CSMD1: variants seen among roughly 807,000 people sequenced by gnomAD.
The protein encoded by CSMD1 is CUB and Sushi multiple domains 1.
CSMD1 carries 213 observed loss-of-function variants against 417.5 expected under a neutral mutation model. The ratio of observed to expected loss-of-function variants is 0.51; its 90% CI spans 0.46 to 0.57. The LOEUF (loss-of-function observed/expected upper bound fraction) is 0.57. Among genes scored for constraint, CSMD1 ranks in the 20% least tolerant of loss-of-function variants. CSMD1 has a pLI of 0.00. For synonymous variants in CSMD1, 2,862 were observed against 1,736.8 expected (o/e 1.65, Z -16.11); for missense variants, 6,923 against 4,529.7 (o/e 1.53, Z -15.17).
intron 5 of CSMD1, among the ~76,000 whole-genome samples, chr8:3,928,184 C>T (rs905624964): frequency 2.0e-5 from 3 of 152,020 alleles, no homozygotes; most frequent in Middle Eastern, 3.2e-3. Flanking sequence ...CAGAAAAGAA[C>T]ATGAGAATGA....
intron 23 of CSMD1, among the ~76,000 whole-genome samples, chr8:3,320,240 A>G (rs1333719230): frequency 6.6e-6 from 1 of 152,132 alleles, no homozygotes; most frequent in Non-Finnish European, 1.5e-5. Context: ...TTGGAGAGGG[A>G]CGGAGGATGA....
At chr8:4,836,518 A>G (rs2116748809) in intron 1 of CSMD1, among the ~76,000 whole-genome samples, 1 of 152,328 alleles carries the variant, frequency 6.6e-6, no homozygotes, top group South Asian at 2.1e-4. Context: ...GCATATGCTA[A>G]TTGTAATAAA....
At chr8:3,227,824 G>A (rs866228665) in intron 27 of CSMD1, among the ~76,000 whole-genome samples, 16 of 151,268 alleles carry the variant, frequency 1.1e-4, no homozygotes, top group South Asian at 2.1e-4. Context: ...CTGGAGTGCA[G>A]TGGTGCGATC....
Position 2,973,335 on chromosome 8 carries a change from G to C in CSMD1, c.8741-36C>G, listed in dbSNP as rs138424046. On this transcript the variant is annotated intron_variant, in intron 56 of 69. Coordinates refer to ENST00000635120, the MANE Select transcript of CSMD1 (RefSeq NM_033225.6). ...CAAACACATACGGCAATCCACAATT[G>C]TGTTAGACTTGTTTTAAGCAGAGTT... The C allele has an allele frequency of 4.2e-5, 67 of 1,592,954 alleles. No homozygotes were observed. In the African/African-American group the frequency reaches 8.1e-4, roughly 19 times the overall value.
chr8:4,623,902 C>T (rs768351153), intron 2 of CSMD1, among the ~76,000 whole-genome samples: 11 of 152,176 alleles, frequency 7.2e-5, no homozygotes, highest in Admixed American at 1.3e-4. Flanking sequence ...TAGAAATATT[C>T]GTTAGCTTGA....
rs1369030073 is a variant in CSMD1, at chr8:4,917,142, T to C, written c.85+77190A>G. On this transcript the variant is annotated intron_variant, in intron 1 of 69. Coordinates refer to ENST00000635120, the MANE Select transcript of CSMD1 (RefSeq NM_033225.6). Reference sequence around the variant, plus strand: ...GTCATGGTGGAAGGGAAAGGGAAAGTTGGCATGTCCTACTTGGCTGGAGCA... The same window carrying C: ...GTCATGGTGGAAGGGAAAGGGAAAGCTGGCATGTCCTACTTGGCTGGAGCA... Among the ~76,000 whole-genome samples, 180 of 152,098 alleles carry C rather than the reference T, an allele frequency of 1.2e-3. 2 individuals are homozygous for C. Among genetic ancestry groups the C allele is most frequent in the Non-Finnish European group, 1.6e-4 (11 of 68,010 alleles).
At chr8:3,926,110 C>G (rs369069544) in intron 5 of CSMD1, among the ~76,000 whole-genome samples, 2 of 79,272 alleles carry the variant, frequency 2.5e-5, no homozygotes, top group Admixed American at 1.4e-4. Context: ...CACACACACA[C>G]ACACACACAC....
At chr8:4,033,280 A>T (rs1025801923) in intron 3 of CSMD1, among the ~76,000 whole-genome samples, 9 of 151,962 alleles carry the variant, frequency 5.9e-5, no homozygotes, top group Non-Finnish European at 1.3e-4. Context: ...CTCTACTAAA[A>T]ATACAAAAAA....
At chr8:4,318,619 T>C (rs1313309526) in intron 3 of CSMD1, among the ~76,000 whole-genome samples, 2 of 150,920 alleles carry the variant, frequency 1.3e-5, no homozygotes, top group Non-Finnish European at 3.0e-5. Context: ...GAATTAGTAA[T>C]TAAAAGTGAC....
chr8:3,886,537 G>A (rs923893504), intron 5 of CSMD1, among the ~76,000 whole-genome samples: 1 of 152,204 alleles, frequency 6.6e-6, no homozygotes, highest in Non-Finnish European at 1.5e-5. Flanking sequence ...AGCAGGCCAT[G>A]GACAGCACTT....
chr8:3,006,474 A>G (rs1350660498), intron 52 of CSMD1, among the ~76,000 whole-genome samples: 2 of 152,094 alleles, frequency 1.3e-5, no homozygotes, highest in Non-Finnish European at 2.9e-5. Flanking sequence ...AGTCAATCCT[A>G]AGCCAAAAGA....
At chr8:3,810,762 G>T (rs1252387587) in intron 5 of CSMD1, among the ~76,000 whole-genome samples, 1 of 152,156 alleles carries the variant, frequency 6.6e-6, no homozygotes, top group Admixed American at 6.6e-5. Context: ...CTTTGGCAAT[G>T]ATCATGGTGT....
At chr8:4,816,076 G>C (rs1253621272) in intron 1 of CSMD1, among the ~76,000 whole-genome samples, 1 of 152,200 alleles carries the variant, frequency 6.6e-6, no homozygotes, top group Non-Finnish European at 1.5e-5. Context: ...ACTGGGTTTA[G>C]GGAGCAGAAC....
At position 4,000,122 on chromosome 8, in the gene CSMD1, C is replaced by G. The variant is rs536560590; in HGVS notation, c.611-2012G>C. On this transcript the variant is annotated intron_variant, in intron 4 of 69. Coordinates refer to ENST00000635120, the MANE Select transcript of CSMD1 (RefSeq NM_033225.6). ...CCTGCCCCCCGCCCTCCGTGGGCAC[C>G]ACTGTGCAAGCACACACACTTCCCT... Among the ~76,000 whole-genome samples the G allele has an allele frequency of 5.3e-5, 8 of 152,304 alleles. No homozygotes were observed. The South Asian group carries it at 1.5e-3, about 28-fold the overall frequency.
rs148289811 is a variant in CSMD1 at position 4,459,023 on chromosome 8, T to C, written c.303-38958A>G. Among the ~76,000 whole-genome samples the C allele has an allele frequency of 1.4e-3, 208 of 152,324 alleles. 2 individuals carry two copies. Among genetic ancestry groups the C allele is most frequent in the African/African-American group, 4.6e-3 (191 of 41,580 alleles). On this transcript the variant is annotated intron_variant, in intron 2 of 69. Coordinates refer to ENST00000635120, the MANE Select transcript of CSMD1 (RefSeq NM_033225.6). ...GTGCAGCTTGGGCCACAGCCTGCTTTCTTCCCCTTATCTCCAATCTAGGTG... is the reference window on the plus strand; with the variant it reads ...GTGCAGCTTGGGCCACAGCCTGCTTCCTTCCCCTTATCTCCAATCTAGGTG...
At chr8:3,078,249 T>C (rs746366568) in intron 49 of CSMD1, among the ~76,000 whole-genome samples, 8 of 152,208 alleles carry the variant, frequency 5.3e-5, no homozygotes, top group Non-Finnish European at 1.0e-4. Flanking sequence ...TATACAAAAT[T>C]ACCCTTTTTG....
chr8:3,709,601 C>A (rs537321970), intron 6 of CSMD1, among the ~76,000 whole-genome samples: 136 of 149,000 alleles, frequency 9.1e-4, no homozygotes, highest in African/African-American at 3.2e-3. Context: ...GATGAAGGCC[C>A]AAATAGAACA....
chr8:4,071,954 G>C (rs548050816), intron 3 of CSMD1, among the ~76,000 whole-genome samples: 3 of 152,246 alleles, frequency 2.0e-5, no homozygotes, highest in African/African-American at 7.2e-5. Context: ...ACAGTGTGGG[G>C]CTCTCCAGTC....
intron 1 of CSMD1, among the ~76,000 whole-genome samples, chr8:4,924,098 G>C (rs1806690902): frequency 6.6e-6 from 1 of 152,148 alleles, no homozygotes. Context: ...CTGCCGTCAT[G>C]ATTCTGACAA....
Sources: gnomAD v4.1 joint callset for allele counts (sites outside exome capture counted in the v4.1 genomes callset) on GRCh38, gnomAD v4.1.1 for gene constraint, MANE v1.5 for transcripts, NCBI Gene and HGNC (gene_info 2026-07-23, HGNC 2026-07-21) for gene names.